Variants in CSMD1 observed in about 807,000 individuals in gnomAD.
The protein encoded by CSMD1 is CUB and Sushi multiple domains 1.
In CSMD1, 213 loss-of-function variants were observed where a neutral mutation model predicts 417.5. That is an observed-to-expected ratio of 0.51 (90% CI 0.46 to 0.57). The LOEUF (loss-of-function observed/expected upper bound fraction) is 0.57, where lower values mean the gene tolerates loss of function less well. CSMD1 is among the 20% of genes least tolerant of loss of function. The pLI, the probability that CSMD1 is intolerant of heterozygous loss-of-function variation, is 0.00. For missense variants in CSMD1, 6,923 were observed against 4,529.7 expected (o/e 1.53, Z -15.17); for synonymous variants, 2,862 against 1,736.8 (o/e 1.65, Z -16.11).
chr8:4,962,177 G>T (rs1585415436), intron 1 of CSMD1, among the ~76,000 whole-genome samples: 2 of 141,758 alleles, frequency 1.4e-5, no homozygotes, highest in Admixed American at 7.3e-5. Context: ...TAATATAAAT[G>T]TAAATTTCTG....
intron 4 of CSMD1, among the ~76,000 whole-genome samples, chr8:4,015,583 G>T (rs756120667): frequency 4.7e-5 from 7 of 149,136 alleles, no homozygotes; most frequent in Non-Finnish European, 8.9e-5. Flanking sequence ...TTATTTAGTG[G>T]CATCTTGGCC....
chr8:4,563,502 G>A (rs533968947), intron 2 of CSMD1, among the ~76,000 whole-genome samples: 2 of 152,132 alleles, frequency 1.3e-5, no homozygotes, highest in South Asian at 2.1e-4. Context: ...TTCCTGTGCC[G>A]GCTATACCTG....
At chr8:4,828,055 A>ATT (rs34800449) in intron 1 of CSMD1, among the ~76,000 whole-genome samples, 1 of 151,600 alleles carries the variant, frequency 6.6e-6, no homozygotes, top group African/African-American at 2.4e-5. Flanking sequence ...GCGTAGTGGG[A>ATT]TTTTTTTTTA....
chr8:4,291,851 C>T (rs186231777), intron 3 of CSMD1, among the ~76,000 whole-genome samples: 93 of 152,260 alleles, frequency 6.1e-4, no homozygotes, highest in African/African-American at 2.0e-3. Context: ...AAATAATTAA[C>T]TCATGTGAAA....
At chr8:4,731,216 T>A (rs996191637) in intron 1 of CSMD1, among the ~76,000 whole-genome samples, 10 of 152,164 alleles carry the variant, frequency 6.6e-5, no homozygotes, top group African/African-American at 2.4e-4. Flanking sequence ...CGAGAATCAG[T>A]CCTTTCCCAC....
chr8:3,581,830 G>A (rs1440216581), intron 9 of CSMD1, among the ~76,000 whole-genome samples: 1 of 151,952 alleles, frequency 6.6e-6, no homozygotes, highest in Non-Finnish European at 1.5e-5. Flanking sequence ...TTGAGATGAA[G>A]TTTTGCTCTT....
intron 2 of CSMD1, among the ~76,000 whole-genome samples, chr8:4,607,923 G>C (rs543492453): frequency 2.0e-5 from 3 of 152,256 alleles, no homozygotes; most frequent in South Asian, 4.1e-4. Context: ...ACACTGGCTA[G>C]TGTTGAGGTC....
intron 3 of CSMD1, among the ~76,000 whole-genome samples, chr8:4,309,448 A>G (rs1798437980): frequency 6.8e-6 from 1 of 147,218 alleles, no homozygotes; most frequent in Admixed American, 6.6e-5. Flanking sequence ...TAATTTTAAT[A>G]TTATGAAAGA....
At chr8:3,596,709 C>G (rs147149358) in intron 8 of CSMD1, among the ~76,000 whole-genome samples, 1 of 152,064 alleles carries the variant, frequency 6.6e-6, no homozygotes, top group African/African-American at 2.4e-5. Flanking sequence ...TTAAGGAGCA[C>G]CACACAAAAC....
chr8:4,697,689 T>G (rs1003335916), intron 1 of CSMD1, among the ~76,000 whole-genome samples: 6 of 152,152 alleles, frequency 3.9e-5, no homozygotes, highest in Non-Finnish European at 8.8e-5. Flanking sequence ...CAGTTTTAAT[T>G]ACTGGACATG....
At chr8:3,765,734 GC>G (rs777006524) in intron 5 of CSMD1, among the ~76,000 whole-genome samples, 17 of 152,164 alleles carry the variant, frequency 1.1e-4, no homozygotes, top group South Asian at 2.1e-4. Flanking sequence ...AGGTGGGGGC[GC>G]CCAGGGGGTG....
chr8:4,255,013 T>C (rs1803356612), intron 3 of CSMD1, among the ~76,000 whole-genome samples: 1 of 152,214 alleles, frequency 6.6e-6, no homozygotes, highest in African/African-American at 2.4e-5. Flanking sequence ...AGAGTTATTT[T>C]CATCCAATCC....
rs144028936 is a variant in CSMD1 at position 4,768,583 on chromosome 8, G to A, written c.86-131025C>T. Among the ~76,000 whole-genome samples the A allele has an allele frequency of 9.4e-4, 143 of 152,270 alleles. 1 individual carries two copies. The highest frequency in any genetic ancestry group is 3.3e-3 in the African/African-American group (139 of 41,558). ...AAATGCTTTGGATTGCACGAGCTCAGAGCTGTTTCTGATTTGTTCTGTTTA... is the reference window on the plus strand; with the variant it reads ...AAATGCTTTGGATTGCACGAGCTCAAAGCTGTTTCTGATTTGTTCTGTTTA... On this transcript the variant is annotated intron_variant, in intron 1 of 69. Coordinates refer to ENST00000635120, the MANE Select transcript of CSMD1 (RefSeq NM_033225.6).
intron 1 of CSMD1, among the ~76,000 whole-genome samples, chr8:4,692,662 G>C (rs1010968328): frequency 1.3e-5 from 2 of 152,154 alleles, no homozygotes; most frequent in Admixed American, 1.3e-4. Context: ...CAACTGTCCT[G>C]GTTTGCCGAT....
chr8:3,791,682 G>T (rs547105470), intron 5 of CSMD1, among the ~76,000 whole-genome samples: 3 of 152,242 alleles, frequency 2.0e-5, no homozygotes, highest in African/African-American at 4.8e-5. Context: ...AATTAGCTGG[G>T]CACGATGGTG....
intron 9 of CSMD1, among the ~76,000 whole-genome samples, chr8:3,581,557 C>T (rs1329606971): frequency 6.6e-6 from 1 of 152,166 alleles, no homozygotes; most frequent in Non-Finnish European, 1.5e-5. Flanking sequence ...CCAGAGAAGG[C>T]ATGATCATTA....
intron 1 of CSMD1, among the ~76,000 whole-genome samples, chr8:4,694,029 A>G (rs1156775583): frequency 6.6e-6 from 1 of 152,204 alleles, no homozygotes; most frequent in African/African-American, 2.4e-5. Context: ...CCAAAGGGAA[A>G]AGTCAAGCTG....
intron 1 of CSMD1, among the ~76,000 whole-genome samples, chr8:4,844,370 G>A (rs1801013913): frequency 6.6e-6 from 1 of 152,042 alleles, no homozygotes; most frequent in Non-Finnish European, 1.5e-5. Context: ...AAAAACTCAT[G>A]CCCTTCCCAT....
intron 3 of CSMD1, among the ~76,000 whole-genome samples, chr8:4,051,222 G>A (rs189084536): frequency 1.3e-4 from 19 of 151,452 alleles, no homozygotes; most frequent in Admixed American, 1.2e-3. Context: ...CCAGGGACCA[G>A]GCCTGTGGGA....
Sources: allele counts gnomAD v4.1 joint callset (sites outside exome capture counted in the v4.1 genomes callset), GRCh38; gene constraint gnomAD v4.1.1; transcripts MANE v1.5; gene names NCBI Gene and HGNC (gene_info 2026-07-23, HGNC 2026-07-21).